LRRC39: variants seen among roughly 807,000 people sequenced by gnomAD.
LRRC39 encodes leucine-rich repeat-containing protein 39.
In LRRC39, 35 loss-of-function variants were observed where a neutral mutation model predicts 39.7. The observed-to-expected ratio is 0.88, with a 90% CI of 0.67 to 1.17. The LOEUF (loss-of-function observed/expected upper bound fraction) is 1.17. Ranked by LOEUF, LRRC39 falls within the 50% of genes most tolerant of loss-of-function variation. The pLI is 0.00. For synonymous variants in LRRC39, 113 were observed against 134.1 expected (o/e 0.84, Z 1.09); for missense variants, 357 against 385.8 (o/e 0.93, Z 0.62).
rs568361743 is a variant in LRRC39 at position 100,158,468 on chromosome 1, T to G, written c.377-101A>C. On this transcript the variant is annotated intron_variant, in intron 5 of 9. Coordinates refer to ENST00000370137, the MANE Select transcript of LRRC39 (RefSeq NM_144620.4). ...ACTTTTTTTTTTTGAGACGGAGTCTTGCTCTGTCGCCCAGGCTGGAGTGCA... is the reference window on the plus strand; with the variant it reads ...ACTTTTTTTTTTTGAGACGGAGTCTGGCTCTGTCGCCCAGGCTGGAGTGCA... The G allele has an allele frequency of 5.6e-6, 6 of 1,068,008 alleles. No individual in the cohort carries two copies. The Admixed American group carries it at 7.4e-5, about 13-fold the overall frequency. 66.2% of individuals were successfully genotyped at this position (1,068,008 alleles called of 1,614,324 possible).
chr1:100,160,638 TTTGA>T, intron 3 of LRRC39, 67 bp from the exon 4 acceptor site: 8 of 1,344,738 alleles, frequency 5.9e-6, no homozygotes, highest in Non-Finnish European at 8.3e-6. Context: ...TTTTTTTTTT[TTTGA>T]GAGAGAGAGT....
chr1:100,153,805 G>C (rs962716042), intron 8 of LRRC39, among the ~76,000 whole-genome samples: 1 of 152,038 alleles, frequency 6.6e-6, no homozygotes, highest in African/African-American at 2.4e-5. Flanking sequence ...TCCCAAGCTG[G>C]AGTACAGTGG....
At chr1:100,152,671 C>A in intron 8 of LRRC39, 147 bp from the exon 9 acceptor site, 2 of 761,750 alleles carry the variant, frequency 2.6e-6, no homozygotes, top group Admixed American at 3.0e-5. Flanking sequence ...TGTGATATAT[C>A]TCAAGAATCT....
intron 3 of LRRC39, among the ~76,000 whole-genome samples, chr1:100,166,131 G>A (rs1659229784): frequency 6.6e-6 from 1 of 152,078 alleles, no homozygotes; most frequent in African/African-American, 2.4e-5. Context: ...CACCATGATT[G>A]TGAGGCCTCC....
chr1:100,152,187 A>G (rs1162361610), intron 9 of LRRC39, among the ~76,000 whole-genome samples, 198 bp downstream of exon 9: 1 of 152,188 alleles, frequency 6.6e-6, no homozygotes, highest in Non-Finnish European at 1.5e-5. Context: ...CACTTGAAAG[A>G]CTTTGAATAT....
intron 2 of LRRC39, among the ~76,000 whole-genome samples, chr1:100,172,328 C>T (rs1659670439): frequency 6.6e-6 from 1 of 152,176 alleles, no homozygotes; most frequent in South Asian, 2.1e-4. Context: ...ATCTCACTAA[C>T]AAATATATTA....
chr1:100,176,001 C>T (rs770497079), intron 1 of LRRC39, among the ~76,000 whole-genome samples: 5 of 152,116 alleles, frequency 3.3e-5, no homozygotes, highest in Non-Finnish European at 7.4e-5. Context: ...AAGATAAGCA[C>T]AGCTTATGAT....
At chr1:100,151,356 A>G (rs1018999342) in intron 9 of LRRC39, among the ~76,000 whole-genome samples, 6 of 152,030 alleles carry the variant, frequency 3.9e-5, no homozygotes, top group Non-Finnish European at 7.4e-5. Context: ...TCTGCTTTCC[A>G]AAACTAGGTC....
intron 3 of LRRC39, among the ~76,000 whole-genome samples, chr1:100,168,064 A>C (rs573154382): frequency 6.6e-6 from 1 of 152,202 alleles, no homozygotes; most frequent in African/African-American, 2.4e-5. Context: ...AATCTACTGT[A>C]CCTTCTACTG....
intron 5 of LRRC39, 112 bp from the exon 6 acceptor site, chr1:100,158,479 C>T: frequency 5.2e-6 from 5 of 967,782 alleles, no homozygotes; most frequent in Non-Finnish European, 7.3e-6. Flanking sequence ...GCTCTGTCGC[C>T]CAGGCTGGAG....
intron 6 of LRRC39, among the ~76,000 whole-genome samples, chr1:100,157,851 G>A (rs1277343092): frequency 1.3e-5 from 2 of 152,126 alleles, no homozygotes; most frequent in Non-Finnish European, 2.9e-5. Flanking sequence ...AAGTTTGGAG[G>A]CATTCCAGTC....
At chr1:100,173,612 C>T (rs1009686799) in intron 1 of LRRC39, among the ~76,000 whole-genome samples, 1 of 152,062 alleles carries the variant, frequency 6.6e-6, no homozygotes, top group African/African-American at 2.4e-5. Flanking sequence ...TATCATGGCT[C>T]TACCCATTGC....
At chr1:100,167,913 T>A (rs6677080) in intron 3 of LRRC39, among the ~76,000 whole-genome samples, 30,394 of 151,656 alleles carry the variant, frequency 0.2, 4,362 homozygotes, top group African/African-American at 0.41. Context: ...AGTAGAATAC[T>A]TTTTGGTGAC....
At position 100,148,637 on chromosome 1, in the gene LRRC39, T is replaced by G; in HGVS notation, c.*405A>C. On this transcript the variant is annotated 3_prime_UTR_variant, in exon 10 of 10. Coordinates refer to ENST00000370137, the MANE Select transcript of LRRC39 (RefSeq NM_144620.4). The stretch of plus-strand genomic sequence containing the variant: ...TTATTCAATTTAGGCTTCTTAGTGT[T>G]GAAGAAAAGAAGAAAATAGGGCATC... 1 of 1,607,646 alleles carries G rather than the reference T, an allele frequency of 6.2e-7. No homozygotes were observed. The highest frequency in any genetic ancestry group is 8.5e-7 in the Non-Finnish European group (1 of 1,178,464).
intron 3 of LRRC39, among the ~76,000 whole-genome samples, chr1:100,163,826 A>G (rs1167783885): frequency 6.6e-6 from 1 of 152,096 alleles, no homozygotes; most frequent in Admixed American, 6.5e-5. Flanking sequence ...TAATCCTAAC[A>G]ATTTGTGAGG....
chr1:100,149,555 G>T, intron 9 of LRRC39: 2 of 939,476 alleles, frequency 2.1e-6, no homozygotes, highest in Non-Finnish European at 3.1e-6. Context: ...TTCTGAAGTT[G>T]ATTAGCTATC....
intron 3 of LRRC39, among the ~76,000 whole-genome samples, chr1:100,164,833 C>A (rs775354739): frequency 1.4e-4 from 22 of 152,000 alleles, no homozygotes; most frequent in Non-Finnish European, 2.9e-4. Context: ...CCTCTGCCTC[C>A]CAAGTAACGG....
chr1:100,153,153 T>C (rs12757641), intron 8 of LRRC39, among the ~76,000 whole-genome samples: 1 of 152,214 alleles, frequency 6.6e-6, no homozygotes, highest in Admixed American at 6.5e-5. Context: ...CTTATCATTG[T>C]GTCTTCACCA....
At chr1:100,164,945 A>G (rs186935822) in intron 3 of LRRC39, among the ~76,000 whole-genome samples, 184 of 152,176 alleles carry the variant, frequency 1.2e-3, no homozygotes, top group African/African-American at 4.2e-3. Context: ...GGCTCAAGAA[A>G]TCCTCCTACC....
Sources: gnomAD v4.1 joint callset for allele counts (sites outside exome capture counted in the v4.1 genomes callset) on GRCh38, gnomAD v4.1.1 for gene constraint, MANE v1.5 for transcripts, NCBI Gene and HGNC (gene_info 2026-07-23, HGNC 2026-07-21) for gene names.